ADD1: variants seen among roughly 807,000 people sequenced by gnomAD.
ADD1 encodes adducin 1.
ADD1 carries 24 observed loss-of-function variants against 80.5 expected under a neutral mutation model. The ratio of observed to expected loss-of-function variants is 0.30; its 90% CI spans 0.22 to 0.42. The LOEUF (loss-of-function observed/expected upper bound fraction) is 0.42, where lower values mean the gene tolerates loss of function less well. Among genes scored for constraint, ADD1 ranks in the 10% least tolerant of loss-of-function variants. The pLI is 1.00. For missense variants in ADD1, 948 were observed against 1,019.0 expected, an observed-to-expected ratio of 0.93 and a Z score of 0.95; for synonymous variants, 373 against 393.8, an observed-to-expected ratio of 0.95 and a Z score of 0.63.
intron 3 of ADD1, among the ~76,000 whole-genome samples, chr4:2,883,318 T>G (rs1180694960): frequency 3.7e-5 from 5 of 136,084 alleles, no homozygotes; most frequent in Admixed American, 1.5e-4. Flanking sequence ...GAACAATTAG[T>G]TTTTTTTTTT....
At chr4:2,898,881 A>G (rs905995384) in intron 8 of ADD1, 2 of 386,314 alleles carry the variant, frequency 5.2e-6, no homozygotes, top group African/African-American at 4.1e-5. Flanking sequence ...GCAGGTATAC[A>G]GAAGTAGAGA....
At position 2,914,976 on chromosome 4, in the gene ADD1, A is replaced by G; in HGVS notation, c.1884A>G (p.Thr628=). ...CCACGGGCCCCAACCCCTTCACCAC[A>G]CTCACAGACCGTGAGCTGGAGGAGT... ...VSTTGPNPFT[T]LTDRELEEYR... is the part of the protein sequence containing the mutation. Residue 628 remains threonine, a synonymous_variant, in exon 14 of 16, where the codon ACA becomes ACG. Transcript: ENST00000683351. 6.2e-7 allele frequency: 1 copy of G among 1,613,962 alleles called. No individual in the cohort carries two copies. Among genetic ancestry groups the G allele is most frequent in the Admixed American group, 1.7e-5 (1 of 59,996 alleles).
intron 1 of ADD1, among the ~76,000 whole-genome samples, chr4:2,869,983 G>A (rs1165263775): frequency 3.3e-5 from 5 of 152,122 alleles, no homozygotes; most frequent in Non-Finnish European, 7.4e-5. Flanking sequence ...AGATCCTTTG[G>A]GTCCTCTAGC....
At chr4:2,914,782 TG>T in intron 13 of ADD1, 101 bp from the exon 14 acceptor site, 1 of 1,405,858 alleles carries the variant, frequency 7.1e-7, no homozygotes, top group Non-Finnish European at 9.6e-7. Flanking sequence ...TCTCTGCTCC[TG>T]GAAAGCCTCC....
chr4:2,915,800 G>A (rs1034992819), intron 14 of ADD1, among the ~76,000 whole-genome samples: 6 of 152,130 alleles, frequency 3.9e-5, no homozygotes. Context: ...CTCTAGCCTG[G>A]GCATCTCAAA....
At chr4:2,871,505 A>G (rs1730452682) in intron 1 of ADD1, among the ~76,000 whole-genome samples, 1 of 152,234 alleles carries the variant, frequency 6.6e-6, no homozygotes. Context: ...TGATCTTAGT[A>G]GTATCAGTCT....
chr4:2,919,272 G>C (rs1739603618), intron 14 of ADD1, among the ~76,000 whole-genome samples: 1 of 152,220 alleles, frequency 6.6e-6, no homozygotes, highest in South Asian at 2.1e-4. Context: ...ATGTTCATCA[G>C]GGATATTGGC....
chr4:2,846,314 C>T (rs1321286123), intron 1 of ADD1, among the ~76,000 whole-genome samples: 1 of 152,164 alleles, frequency 6.6e-6, no homozygotes, highest in African/African-American at 2.4e-5. Context: ...CAATTTTACT[C>T]TGTGGCATAG....
intron 1 of ADD1, among the ~76,000 whole-genome samples, chr4:2,864,951 C>T (rs919176730): frequency 6.6e-6 from 1 of 152,058 alleles, no homozygotes. Flanking sequence ...ATAAATTAAT[C>T]TTTAAAAATG....
Position 2,909,079 on chromosome 4 carries a change from T to G in ADD1, c.1699-260T>G, listed in dbSNP as rs911334837. 3 of 527,348 alleles carry G rather than the reference T, an allele frequency of 5.7e-6. No individual in the cohort carries two copies. The African/African-American group carries it at 5.7e-5, about 10-fold the overall frequency. 32.7% of individuals were successfully genotyped at this position (527,348 alleles called of 1,614,324 possible). A position where few individuals can be genotyped will look rare whatever the true frequency, so the allele number is the denominator to read the frequency against. On this transcript the variant is annotated intron_variant, in intron 12 of 15. Transcript: ENST00000683351. ...CCTTGTGGCACATTGAAGATAATTGTGTAAGTAGTTATCTCTGAAAACTAA... is the reference window on the plus strand; with the variant it reads ...CCTTGTGGCACATTGAAGATAATTGGGTAAGTAGTTATCTCTGAAAACTAA...
At position 2,898,015 on chromosome 4, in the gene ADD1, T is replaced by A. The variant is rs140178054; in HGVS notation, c.742-169T>A. Among the ~76,000 whole-genome samples the A allele has an allele frequency of 1.1e-3, 167 of 152,342 alleles. 1 individual carries two copies. Among genetic ancestry groups the A allele is most frequent in the Admixed American group, 3.6e-3 (55 of 15,308 alleles). On this transcript the variant is annotated intron_variant, in intron 6 of 15. Coordinates refer to ENST00000683351, the MANE Select transcript of ADD1 (RefSeq NM_001354761.2). The stretch of plus-strand genomic sequence containing the variant: ...GGGTAGTTTTGTTTTTAAGTGTGAA[T>A]TGTTAGCACTGGAAACCAAGTTTGT...
intron 6 of ADD1, among the ~76,000 whole-genome samples, 162 bp from the exon 7 acceptor site, chr4:2,898,022 C>T (rs775621109): frequency 8.5e-5 from 13 of 152,210 alleles, no homozygotes; most frequent in African/African-American, 1.2e-4. Flanking sequence ...GAATTGTTAG[C>T]ACTGGAAACC....
intron 1 of ADD1, among the ~76,000 whole-genome samples, chr4:2,851,963 C>T (rs772930961): frequency 1.2e-4 from 18 of 152,084 alleles, no homozygotes; most frequent in Middle Eastern, 6.8e-3. Context: ...TTCAGCCTCC[C>T]GAGTAGCTGA....
At chr4:2,873,327 C>G (rs995835239) in intron 1 of ADD1, among the ~76,000 whole-genome samples, 1 of 152,118 alleles carries the variant, frequency 6.6e-6, no homozygotes, top group African/African-American at 2.4e-5. Flanking sequence ...TACTTGAAAA[C>G]TAAGTTGATG....
chr4:2,872,740 T>C (rs1448501281), intron 1 of ADD1, among the ~76,000 whole-genome samples: 3 of 152,086 alleles, frequency 2.0e-5, no homozygotes, highest in Admixed American at 6.6e-5. Flanking sequence ...TGATTTTTTT[T>C]GTTGAGATGC....
chr4:2,902,200 G>A (rs1330288002), intron 9 of ADD1: 1 of 152,158 alleles, frequency 6.6e-6, no homozygotes, highest in Admixed American at 6.6e-5. Flanking sequence ...AGTCCTGGGT[G>A]GTTTATTCTG....
intron 1 of ADD1, among the ~76,000 whole-genome samples, chr4:2,863,313 C>T (rs1729083344): frequency 6.7e-6 from 1 of 150,330 alleles, no homozygotes; most frequent in Non-Finnish European, 1.5e-5. Flanking sequence ...CCCACCTCTG[C>T]CTCCCAAGGT....
Position 2,886,946 on chromosome 4 carries a change from G to C in ADD1, c.510+2280G>C, listed in dbSNP as rs116051309. 2.7e-3 allele frequency among the ~76,000 whole-genome samples: 405 copies of C among 152,346 alleles called. 3 individuals carry two copies. The highest frequency in any genetic ancestry group is 7.6e-3 in the African/African-American group (314 of 41,586). ...AAACGTAACCCTAACTGTGATAACA[G>C]CTTCACCTTCTTCGCAGGTTTTAAA... On this transcript the variant is annotated intron_variant, in intron 4 of 15. Transcript: ENST00000683351.
chr4:2,929,733 G>C lies in ADD1; in HGVS notation c.*1210G>C, dbSNP rs754155390. ...CTCGGATCCCACTGATTGGCCAGCC[G>C]AGCGAGAACCAGGCTGCTGCATGGC... On this transcript the variant is annotated 3_prime_UTR_variant, in exon 16 of 16. Coordinates refer to ENST00000683351, the MANE Select transcript of ADD1 (RefSeq NM_001354761.2). The C allele has an allele frequency of 6.6e-6, 1 of 152,362 alleles. No homozygotes were observed. 9.4% of individuals were successfully genotyped at this position (152,362 alleles called of 1,614,324 possible).
Sources: gnomAD v4.1 joint callset for allele counts (sites outside exome capture counted in the v4.1 genomes callset) on GRCh38, gnomAD v4.1.1 for gene constraint, MANE v1.5 for transcripts, NCBI Gene and HGNC (gene_info 2026-07-23, HGNC 2026-07-21) for gene names.